TRPC4: variants seen among roughly 807,000 people sequenced by gnomAD.
TRPC4 encodes the protein transient receptor potential cation channel subfamily C member 4, also known as short transient receptor potential channel 4.
TRPC4 carries 49 observed loss-of-function variants against 99.4 expected under a neutral mutation model. That is an observed-to-expected ratio of 0.49 (90% confidence interval 0.39 to 0.63). The LOEUF is 0.63. Among genes scored for constraint, TRPC4 ranks in the 20% least tolerant of loss-of-function variants. The pLI, the probability that TRPC4 is intolerant of heterozygous loss-of-function variation, is 0.00. For missense variants in TRPC4, 898 were observed against 1,152.9 expected (o/e 0.78, Z 3.20); for synonymous variants, 454 against 425.9 (o/e 1.07, Z -0.81).
rs1956551523 is a variant in TRPC4, at chr13:37,771,586, T to TGTGA, written c.378+11366_378+11369dup. 2.7e-5 allele frequency among the ~76,000 whole-genome samples: 4 copies of TGTGA among 146,962 alleles called. No homozygotes were observed. The South Asian group carries it at 8.6e-4, about 32-fold the overall frequency. On this transcript the variant is annotated intron_variant, in intron 2 of 10. Transcript: ENST00000379705. ...GTGTGTGTGTGTGTGTGTGTGTGTG[T>TGTGA]GTGAGCTACAGAAAGAAAGCAGATA...
chr13:37,691,691 A>G (rs902242904), intron 4 of TRPC4, among the ~76,000 whole-genome samples: 4 of 152,252 alleles, frequency 2.6e-5, no homozygotes, highest in Non-Finnish European at 5.9e-5. Context: ...TTATTTACAT[A>G]TAGTCAATGA....
At chr13:37,751,027 A>G (rs1955919177) in intron 2 of TRPC4, among the ~76,000 whole-genome samples, 1 of 152,118 alleles carries the variant, frequency 6.6e-6, no homozygotes, top group South Asian at 2.1e-4. Context: ...GAGATGTGGC[A>G]TTCATAACCC....
intron 6 of TRPC4, among the ~76,000 whole-genome samples, chr13:37,661,948 TG>T (rs577222231): frequency 3.3e-5 from 5 of 151,982 alleles, no homozygotes; most frequent in Non-Finnish European, 7.4e-5. Context: ...AAGAGAGCAG[TG>T]GGAAGATGTC....
intron 2 of TRPC4, among the ~76,000 whole-genome samples, chr13:37,779,820 T>C (rs972447175): frequency 2.0e-5 from 3 of 152,078 alleles, no homozygotes; most frequent in African/African-American, 7.2e-5. Context: ...TCTCAGTTAA[T>C]GGTGTTAATT....
intron 4 of TRPC4, among the ~76,000 whole-genome samples, chr13:37,688,605 G>T (rs1275852857): frequency 6.6e-6 from 1 of 152,088 alleles, no homozygotes; most frequent in African/African-American, 2.4e-5. Context: ...CAAATGAGAG[G>T]TATAAAGTGA....
intron 1 of TRPC4, among the ~76,000 whole-genome samples, chr13:37,828,064 A>T (rs144568039): frequency 0.022 from 3,318 of 152,138 alleles, 69 homozygotes; most frequent in African/African-American, 0.059. Flanking sequence ...CCTTTCTTTG[A>T]CTAGGAAAGG....
Position 37,636,469 on chromosome 13 carries a change from C to G in TRPC4, c.*434G>C, listed in dbSNP as rs754989201. On this transcript the variant is annotated 3_prime_UTR_variant, in exon 11 of 11. Transcript: ENST00000379705. ...CAAACTGTAGGACTAGGTGAAAAGT[C>G]CTTGGTGAGTAACCCTCTCTAAAGA... is the stretch of plus-strand genomic sequence containing the variant. Among the ~76,000 whole-genome samples, 2 of 151,984 alleles carry G rather than the reference C, an allele frequency of 1.3e-5. No individual in the cohort carries two copies. The highest frequency in any genetic ancestry group is 4.1e-4 in the South Asian group (2 of 4,828).
intron 4 of TRPC4, among the ~76,000 whole-genome samples, chr13:37,684,869 A>T (rs1344994174): frequency 2.0e-5 from 3 of 151,988 alleles, no homozygotes; most frequent in African/African-American, 7.2e-5. Flanking sequence ...TCCTTGAAGA[A>T]AATAAATTTA....
chr13:37,721,511 CCTA>C (rs1000830458), intron 3 of TRPC4, among the ~76,000 whole-genome samples: 42 of 152,084 alleles, frequency 2.8e-4, no homozygotes, highest in African/African-American at 9.6e-4. Context: ...TGCTCTTGGC[CCTA>C]CTATGTATCC....
chr13:37,695,212 C>T (rs989254988), intron 3 of TRPC4, among the ~76,000 whole-genome samples: 2 of 152,016 alleles, frequency 1.3e-5, no homozygotes, highest in East Asian at 3.9e-4. Context: ...CCCACCCTCA[C>T]TCCCTTCCTC....
At position 37,678,266 on chromosome 13, in the gene TRPC4, G is replaced by T. The variant is rs7330896; in HGVS notation, c.1235-3899C>A. Among the ~76,000 whole-genome samples the T allele has an allele frequency of 7.9e-5, 12 of 151,672 alleles. No individual in the cohort carries two copies. In the East Asian group the frequency reaches 1.6e-3, roughly 20 times the overall value. On this transcript the variant is annotated intron_variant, in intron 4 of 10. Coordinates refer to ENST00000379705, the MANE Select transcript of TRPC4 (RefSeq NM_016179.4). ...CAAGCAGAAAGAAGAAAATAACAAA[G>T]GTAACAAAAATCAATAAAATCTGAA...
chr13:37,716,935 G>C (rs1429317601), intron 3 of TRPC4, among the ~76,000 whole-genome samples: 2 of 150,514 alleles, frequency 1.3e-5, no homozygotes, highest in Non-Finnish European at 3.0e-5. Flanking sequence ...GAGAAGTCTG[G>C]TGGGGACGGT....
chr13:37,827,332 C>G (rs576648817), intron 1 of TRPC4, among the ~76,000 whole-genome samples: 2 of 152,174 alleles, frequency 1.3e-5, no homozygotes, highest in Admixed American at 6.5e-5. Context: ...GCATTCCTTT[C>G]GAGGTGGAGA....
At chr13:37,796,178 C>CT (rs1232165526) in intron 1 of TRPC4, among the ~76,000 whole-genome samples, 2 of 152,118 alleles carry the variant, frequency 1.3e-5, no homozygotes, top group African/African-American at 2.4e-5. Context: ...TAAGACTCAA[C>CT]TTTAACTTCA....
Position 37,753,608 on chromosome 13 carries a change from A to AG in TRPC4, c.379-7154_379-7153insC, listed in dbSNP as rs1491149263. 5.8e-4 allele frequency among the ~76,000 whole-genome samples: 64 copies of AG among 111,284 alleles called. 1 individual carries two copies. Among genetic ancestry groups the AG allele is most frequent in the East Asian group, 2.9e-3 (5 of 1,716 alleles). The allele number at this position is 111,284 out of a possible 152,430, so 73.0% of individuals were successfully genotyped here. A position where few individuals can be genotyped will look rare whatever the true frequency, so the allele number is the denominator to read the frequency against. Reference sequence around the variant, plus strand: ...GAGAGAGAGAGAGAGAGAGAGAGAGAAAGAAAGAAAGAGAACACAGAAACA... The same window carrying AG: ...GAGAGAGAGAGAGAGAGAGAGAGAGAGAAGAAAGAAAGAGAACACAGAAACA... On this transcript the variant is annotated intron_variant, in intron 2 of 10. Transcript: ENST00000379705.
At chr13:37,843,711 C>T (rs1958806472) in intron 1 of TRPC4, among the ~76,000 whole-genome samples, 1 of 151,450 alleles carries the variant, frequency 6.6e-6, no homozygotes, top group Non-Finnish European at 1.5e-5. Flanking sequence ...CACACGCACA[C>T]ATACACACAT....
intron 3 of TRPC4, among the ~76,000 whole-genome samples, chr13:37,698,965 A>G (rs887690610): frequency 6.6e-5 from 10 of 152,186 alleles, no homozygotes. Flanking sequence ...TCATGACTCC[A>G]AAGTTATATG....
chr13:37,831,943 A>C (rs779893372), intron 1 of TRPC4, among the ~76,000 whole-genome samples: 1 of 152,172 alleles, frequency 6.6e-6, no homozygotes, highest in Non-Finnish European at 1.5e-5. Context: ...CAGTTAAGGC[A>C]GGAGGAATAG....
intron 5 of TRPC4, among the ~76,000 whole-genome samples, chr13:37,673,475 T>A (rs1190646686): frequency 2.0e-5 from 3 of 152,162 alleles, no homozygotes; most frequent in Non-Finnish European, 4.4e-5. Flanking sequence ...TCTTTATTTT[T>A]TTTTTTTTAC....
Sources: gnomAD v4.1 joint callset for allele counts (sites outside exome capture counted in the v4.1 genomes callset) on GRCh38, gnomAD v4.1.1 for gene constraint, MANE v1.5 for transcripts, NCBI Gene and HGNC (gene_info 2026-07-23, HGNC 2026-07-21) for gene names.